DPP6: variants seen among roughly 807,000 people sequenced by gnomAD.
The protein encoded by DPP6 is A-type potassium channel modulatory protein DPP6.
DPP6 carries 69 observed loss-of-function variants against 122.6 expected under a neutral mutation model. The ratio of observed to expected loss-of-function variants is 0.56; its 90% CI spans 0.46 to 0.69. The LOEUF (loss-of-function observed/expected upper bound fraction) is 0.69. DPP6 is among the 30% of genes least tolerant of loss of function. The pLI is 0.00. For synonymous variants in DPP6, 418 were observed against 433.1 expected (o/e 0.97, Z 0.43); for missense variants, 928 against 1,116.9 (o/e 0.83, Z 2.41).
chr7:154,170,344 A>G (rs1797471680), intron 1 of DPP6, among the ~76,000 whole-genome samples: 1 of 151,864 alleles, frequency 6.6e-6, no homozygotes. Context: ...TATCCTTCCT[A>G]ACTTTCCTAA....
At chr7:153,816,582 G>C in the DPP6 span, among the ~76,000 whole-genome samples, 1 of 152,156 alleles carries the variant, frequency 6.6e-6, no homozygotes, top group African/African-American at 2.4e-5. Context: ...ATTGAAATAA[G>C]AGTAAAGAAA....
chr7:154,660,146 A>G (rs1029552879), intron 6 of DPP6, among the ~76,000 whole-genome samples: 3 of 152,256 alleles, frequency 2.0e-5, no homozygotes, highest in African/African-American at 4.8e-5. Context: ...GCCAGGTAAT[A>G]AAAGTGGAAT....
intron 16 of DPP6, among the ~76,000 whole-genome samples, chr7:154,808,392 G>A (rs1030989084): frequency 2.6e-5 from 4 of 152,100 alleles, no homozygotes; most frequent in African/African-American, 9.7e-5. Context: ...GGGATGAGGG[G>A]GGTGCGACTG....
At chr7:154,867,578 G>T (rs887865828) in intron 17 of DPP6, among the ~76,000 whole-genome samples, 1 of 152,236 alleles carries the variant, frequency 6.6e-6, no homozygotes, top group African/African-American at 2.4e-5. Context: ...TGATACCCTA[G>T]TTTCTACCCA....
chr7:154,001,046 G>A (rs890508957), intron 1 of DPP6, among the ~76,000 whole-genome samples: 6 of 152,140 alleles, frequency 3.9e-5, no homozygotes, highest in Non-Finnish European at 8.8e-5. Context: ...CAGGATGCCT[G>A]AGGATGCTGA....
At chr7:154,250,281 C>T (rs1802269621) in intron 1 of DPP6, among the ~76,000 whole-genome samples, 1 of 152,080 alleles carries the variant, frequency 6.6e-6, no homozygotes, top group African/African-American at 2.4e-5. Flanking sequence ...GGGGTTTTGT[C>T]TGTGGCTCGT....
At chr7:154,343,935 C>T (rs1347947310) in intron 1 of DPP6, among the ~76,000 whole-genome samples, 2 of 152,180 alleles carry the variant, frequency 1.3e-5, no homozygotes, top group Admixed American at 6.5e-5. Flanking sequence ...AGGCTGGTAT[C>T]GAAATCCTGA....
chr7:154,244,607 T>C (rs902312132), intron 1 of DPP6, among the ~76,000 whole-genome samples: 6 of 152,290 alleles, frequency 3.9e-5, no homozygotes, highest in African/African-American at 1.4e-4. Context: ...TTTAAGTTTA[T>C]GTAAATTGAT....
intron 5 of DPP6, among the ~76,000 whole-genome samples, chr7:154,583,729 C>T (rs1832242651): frequency 1.3e-5 from 2 of 152,164 alleles, no homozygotes; most frequent in South Asian, 2.1e-4. Flanking sequence ...TGAACCTCAA[C>T]AACAAGGCTC....
In DPP6 at chr7:154,452,830, A is replaced by G. The variant is rs1239750942; in HGVS notation, c.358+6502A>G. The stretch of plus-strand genomic sequence containing the variant: ...ACAGTCTAATTATCACCAGTTATGC[A>G]CAATTGATGTTTTAGAAATCAAATT... On this transcript the variant is annotated intron_variant, in intron 2 of 25. Coordinates refer to ENST00000377770, the MANE Select transcript of DPP6 (RefSeq NM_130797.4). Among the ~76,000 whole-genome samples, 11 of 152,322 alleles carry G rather than the reference A, an allele frequency of 7.2e-5. No individual in the cohort carries two copies. In the East Asian group the frequency reaches 2.1e-3, roughly 29 times the overall value.
At chr7:154,040,854 C>T (rs906424068) in intron 1 of DPP6, among the ~76,000 whole-genome samples, 1 of 149,182 alleles carries the variant, frequency 6.7e-6, no homozygotes, top group African/African-American at 2.5e-5. Flanking sequence ...TTCCTCCTGC[C>T]CCGGGAAGAG....
At chr7:153,991,282 T>C (rs1005111186) in intron 1 of DPP6, among the ~76,000 whole-genome samples, 9 of 152,112 alleles carry the variant, frequency 5.9e-5, no homozygotes, top group Non-Finnish European at 1.0e-4. Flanking sequence ...AAAATACTTA[T>C]ATATCTTTTA....
intron 1 of DPP6, chr7:154,095,904 A>G (rs78669906): frequency 2.9e-5 from 4 of 137,854 alleles, no homozygotes. Context: ...TGTCACTCAC[A>G]GTTCACGCTA....
chr7:154,721,430 T>G (rs1270512054), intron 7 of DPP6, among the ~76,000 whole-genome samples: 1 of 152,218 alleles, frequency 6.6e-6, no homozygotes, highest in African/African-American at 2.4e-5. Context: ...ATAGGGTTAT[T>G]TTTAAAGATT....
At chr7:154,762,843 T>C (rs530188975) in intron 8 of DPP6, among the ~76,000 whole-genome samples, 128 of 152,354 alleles carry the variant, frequency 8.4e-4, no homozygotes, top group Non-Finnish European at 1.5e-3. Flanking sequence ...ACCGAGTTCC[T>C]AAAAGAAAAT....
At chr7:154,829,109 G>A (rs1017308597) in intron 16 of DPP6, among the ~76,000 whole-genome samples, 6 of 152,086 alleles carry the variant, frequency 3.9e-5, no homozygotes, top group Admixed American at 3.3e-4. Context: ...GAGGCTGAGC[G>A]CAGTGGCTCA....
chr7:153,842,638 T>C, the DPP6 span, among the ~76,000 whole-genome samples: 2 of 152,214 alleles, frequency 1.3e-5, no homozygotes, highest in Non-Finnish European at 2.9e-5. Context: ...GGTTTTACTT[T>C]ACCGTGGTAA....
At chr7:154,237,993 A>C (rs564640630) in intron 1 of DPP6, among the ~76,000 whole-genome samples, 11 of 152,182 alleles carry the variant, frequency 7.2e-5, no homozygotes, top group Non-Finnish European at 1.2e-4. Flanking sequence ...AGAGGATCCC[A>C]GGGACGTGCT....
chr7:154,699,352 T>C (rs1840389479), intron 7 of DPP6, among the ~76,000 whole-genome samples: 1 of 152,214 alleles, frequency 6.6e-6, no homozygotes, highest in Non-Finnish European at 1.5e-5. Flanking sequence ...GAGGGTGACT[T>C]CTGGCAGCTG....
Sources: gnomAD v4.1 joint callset for allele counts (sites outside exome capture counted in the v4.1 genomes callset) on GRCh38, gnomAD v4.1.1 for gene constraint, MANE v1.5 for transcripts, NCBI Gene and HGNC (gene_info 2026-07-23, HGNC 2026-07-21) for gene names.